Variants in MYZAP observed in about 807,000 individuals in gnomAD.
MYZAP encodes GRINL1A complex locus upstream.
Under a neutral mutation model 69.4 loss-of-function variants are expected in MYZAP, and 66 were observed. That is an observed-to-expected ratio of 0.95 (90% CI 0.78 to 1.17). The LOEUF (loss-of-function observed/expected upper bound fraction) is 1.17. Among genes scored for constraint, MYZAP ranks in the 50% most tolerant of loss-of-function variants. The probability of loss-of-function intolerance (pLI) is 0.00; values close to 1 mark genes in which losing one functional copy is unlikely to be tolerated. For missense variants in MYZAP, 611 were observed against 556.2 expected (o/e 1.10, Z -0.99); for synonymous variants, 256 against 205.9 (o/e 1.24, Z -2.09).
rs1336813656 is a variant in MYZAP at position 57,685,263 on chromosome 15, T to C, written c.*765T>C. On this transcript the variant is annotated 3_prime_UTR_variant, in exon 13 of 13. Coordinates refer to ENST00000267853, the MANE Select transcript of MYZAP (RefSeq NM_001018100.5). ...TTAGTGTTCTCAGTATCAATTGGTG[T>C]TTTTGTTAAACGAATGAATCATCTG... 6.6e-6 allele frequency: 1 copy of C among 152,246 alleles called. No individual in the cohort carries two copies. Among genetic ancestry groups the C allele is most frequent in the African/African-American group, 2.4e-5 (1 of 41,458 alleles). 9.4% of individuals were successfully genotyped at this position (152,246 alleles called of 1,614,324 possible).
intron 8 of MYZAP, among the ~76,000 whole-genome samples, chr15:57,635,814 G>C (rs957729926): frequency 2.6e-5 from 4 of 152,186 alleles, no homozygotes; most frequent in Non-Finnish European, 4.4e-5. Flanking sequence ...TTTGCTCAAG[G>C]ACAAACCATG....
chr15:57,625,701 GA>G (rs1401782332), intron 4 of MYZAP, 77 bp from the exon 5 acceptor site: 6 of 1,363,858 alleles, frequency 4.4e-6, no homozygotes, highest in African/African-American at 2.9e-5. Context: ...TCTAACAGAA[GA>G]AAGTTCCAGC....
At chr15:57,674,849 C>A in intron 11 of MYZAP, 119 bp from the exon 12 acceptor site, 2 of 792,866 alleles carry the variant, frequency 2.5e-6, no homozygotes, top group African/African-American at 1.7e-5. Flanking sequence ...TCTGTAAATA[C>A]ATTGTGATAG....
intron 11 of MYZAP, among the ~76,000 whole-genome samples, chr15:57,672,545 T>C (rs1188015643): frequency 1.3e-5 from 2 of 152,168 alleles, no homozygotes; most frequent in Non-Finnish European, 2.9e-5. Context: ...GCCCCCACTC[T>C]TTAGCTGAAT....
rs549440157 is a variant in MYZAP at position 57,619,835 on chromosome 15, T to C, written c.318+1647T>C. 2.6e-5 allele frequency among the ~76,000 whole-genome samples: 4 copies of C among 152,314 alleles called. No individual in the cohort carries two copies. In the East Asian group the frequency reaches 7.7e-4, roughly 29 times the overall value. On this transcript the variant is annotated intron_variant, in intron 3 of 12. Transcript: ENST00000267853. ...TCTAAACAGAGTCCAGAGTCCCACA[T>C]TGCCCAAGACAAAGGCAGGAGGAGA...
chr15:57,670,898 G>A (rs1201500173), intron 11 of MYZAP, among the ~76,000 whole-genome samples: 3 of 151,662 alleles, frequency 2.0e-5, no homozygotes, highest in South Asian at 2.1e-4. Flanking sequence ...TTCATTTACC[G>A]CTGTGCCTGT....
At chr15:57,648,692 A>C (rs534562536) in intron 10 of MYZAP, among the ~76,000 whole-genome samples, 4 of 152,010 alleles carry the variant, frequency 2.6e-5, no homozygotes, top group African/African-American at 9.7e-5. Context: ...AAAAAAATTT[A>C]AATTGCAAAA....
intron 1 of MYZAP, among the ~76,000 whole-genome samples, chr15:57,595,041 A>G (rs1371390911): frequency 3.9e-5 from 6 of 152,218 alleles, no homozygotes; most frequent in African/African-American, 1.2e-4. Flanking sequence ...CAAGCCAACC[A>G]GAAGTGGTGG....
At chr15:57,660,158 C>T (rs375443031) in intron 10 of MYZAP, among the ~76,000 whole-genome samples, 84 of 152,150 alleles carry the variant, frequency 5.5e-4, no homozygotes, top group African/African-American at 1.9e-3. Context: ...AACACATATC[C>T]TTTGTTCATA....
chr15:57,616,354 A>C lies in MYZAP; in HGVS notation c.163-1679A>C, dbSNP rs144427197. On this transcript the variant is annotated intron_variant, in intron 2 of 12. Coordinates refer to ENST00000267853, the MANE Select transcript of MYZAP (RefSeq NM_001018100.5). ...ACCTTGTCTGTACTAAAAATACAAA[A>C]ATTGGCTGGGCGCAGTGGCTCACGC... Among the ~76,000 whole-genome samples, 924 of 152,240 alleles carry C rather than the reference A, an allele frequency of 6.1e-3. 12 individuals are homozygous for C. The highest frequency in any genetic ancestry group is 0.021 in the African/African-American group (877 of 41,534).
intron 3 of MYZAP, 41 bp from the exon 4 acceptor site, chr15:57,621,567 G>T: frequency 6.3e-7 from 1 of 1,599,250 alleles, no homozygotes; most frequent in African/African-American, 1.3e-5. Context: ...GTATGAAAAT[G>T]TTATGGCTTG....
chr15:57,652,515 A>G (rs1427183693), intron 10 of MYZAP, among the ~76,000 whole-genome samples: 2 of 152,264 alleles, frequency 1.3e-5, no homozygotes, highest in African/African-American at 4.8e-5. Flanking sequence ...AGAATTAAGG[A>G]ATGCTATGCA....
At chr15:57,634,813 T>A (rs1359302712) in intron 8 of MYZAP, among the ~76,000 whole-genome samples, 1 of 152,180 alleles carries the variant, frequency 6.6e-6, no homozygotes, top group Non-Finnish European at 1.5e-5. Context: ...GAAAACAGAA[T>A]CCCATCTTTT....
intron 10 of MYZAP, among the ~76,000 whole-genome samples, chr15:57,655,354 G>A (rs770552682): frequency 6.6e-6 from 1 of 152,128 alleles, no homozygotes; most frequent in South Asian, 2.1e-4. Context: ...GGACAGGATG[G>A]GCATGAAATG....
intron 4 of MYZAP, among the ~76,000 whole-genome samples, chr15:57,625,509 G>A (rs1238990954): frequency 6.6e-6 from 1 of 152,144 alleles, no homozygotes; most frequent in Non-Finnish European, 1.5e-5. Flanking sequence ...TTCTCTGATT[G>A]TTTTCTTCCT....
intron 2 of MYZAP, among the ~76,000 whole-genome samples, chr15:57,610,195 T>C (rs577718764): frequency 1.3e-5 from 2 of 152,330 alleles, no homozygotes; most frequent in African/African-American, 4.8e-5. Flanking sequence ...TCTCTCTAGA[T>C]CTTTGAGAAT....
chr15:57,642,111 C>CTCT (rs2037196016), intron 10 of MYZAP, among the ~76,000 whole-genome samples: 2 of 152,202 alleles, frequency 1.3e-5, no homozygotes. Context: ...AGGCATTTAG[C>CTCT]TCTTCATCAT....
rs2036637028 is a variant in MYZAP, at chr15:57,633,630, T to C, written c.822T>C (p.Phe274=). The change falls in exon 8 of 13, where the codon TTT becomes TTC. Residue 274 remains phenylalanine (F), a synonymous_variant. Transcript: ENST00000267853. ...TTTTGCAGGAAGAAACCAATAGTTT[T>C]CTGAAAGCGATTGAAGAAGCCAATA... ...KEALLEETNS[F]LKAIEEANKK... is the part of the protein sequence containing the mutation. 1 of 1,612,864 alleles carries C rather than the reference T, an allele frequency of 6.2e-7. No individual in the cohort carries two copies. Among genetic ancestry groups the C allele is most frequent in the African/African-American group, 1.3e-5 (1 of 74,832 alleles).
At chr15:57,659,569 G>A (rs928336584) in intron 10 of MYZAP, among the ~76,000 whole-genome samples, 6 of 152,136 alleles carry the variant, frequency 3.9e-5, no homozygotes, top group Non-Finnish European at 7.3e-5. Flanking sequence ...AATAACTTCA[G>A]TGTTACTGCT....
Sources: gnomAD v4.1 joint callset for allele counts (sites outside exome capture counted in the v4.1 genomes callset) on GRCh38, gnomAD v4.1.1 for gene constraint, MANE v1.5 for transcripts, NCBI Gene and HGNC (gene_info 2026-07-23, HGNC 2026-07-21) for gene names.